Variants in GFOD1 observed in about 807,000 individuals in gnomAD.
GFOD1 encodes glucose-fructose oxidoreductase domain-containing protein 1.
In GFOD1, 9 loss-of-function variants were observed where a neutral mutation model predicts 25.4. The observed-to-expected ratio is 0.35, with a 90% CI of 0.21 to 0.62. GFOD1 has a LOEUF of 0.62. Ranked by LOEUF, GFOD1 falls within the 20% of genes least tolerant of loss-of-function variation. The pLI is 0.72. For missense variants in GFOD1, 403 were observed against 556.9 expected, an observed-to-expected ratio of 0.72 and a Z score of 2.78; for synonymous variants, 253 against 245.6, an observed-to-expected ratio of 1.03 and a Z score of -0.28.
chr6:13,461,047 C>G lies in GFOD1; in HGVS notation c.253+25591G>C, dbSNP rs1476067803. On this transcript the variant is annotated intron_variant, in intron 1 of 1. Coordinates refer to ENST00000379287, the MANE Select transcript of GFOD1 (RefSeq NM_018988.4). ...TGAAAAATACATTTCTGTTTGCTAT[C>G]AATTATCTGGCCTGTGCTCTTCTGT... Among the ~76,000 whole-genome samples the G allele has an allele frequency of 1.3e-5, 2 of 152,180 alleles. 1 individual carries two copies.
intron 1 of GFOD1, among the ~76,000 whole-genome samples, chr6:13,394,394 C>T (rs2127561965): frequency 6.7e-6 from 1 of 149,466 alleles, no homozygotes; most frequent in East Asian, 2.0e-4. Flanking sequence ...CGTCTCTGGG[C>T]AGGAGAACGG....
chr6:13,431,617 C>T (rs2127570274), intron 1 of GFOD1, among the ~76,000 whole-genome samples: 1 of 152,242 alleles, frequency 6.6e-6, no homozygotes, highest in South Asian at 2.1e-4. Context: ...AAAACTGCAC[C>T]CACTCTCTTC....
rs1479142659 is a variant in GFOD1, at chr6:13,381,319, C to T, written c.254-15657G>A. Among the ~76,000 whole-genome samples, 5 of 152,190 alleles carry T rather than the reference C, an allele frequency of 3.3e-5. No individual in the cohort carries two copies. The East Asian group carries it at 9.6e-4, about 29-fold the overall frequency. The stretch of plus-strand genomic sequence containing the variant: ...TGAAAAGCTGGAAGCCCACAGCCTG[C>T]TTGGTGATGTCAGGTGGCAGCAGCC... On this transcript the variant is annotated intron_variant, in intron 1 of 1. Transcript: ENST00000379287.
At chr6:13,466,214 T>C (rs773296602) in intron 1 of GFOD1, among the ~76,000 whole-genome samples, 5 of 152,226 alleles carry the variant, frequency 3.3e-5, no homozygotes, top group Non-Finnish European at 7.3e-5. Flanking sequence ...AAGATGATGG[T>C]ATAGTGCCTT....
rs1562209633 is a variant in GFOD1, at chr6:13,409,215, G to GA, written c.254-43554dup. On this transcript the variant is annotated intron_variant, in intron 1 of 1. Coordinates refer to ENST00000379287, the MANE Select transcript of GFOD1 (RefSeq NM_018988.4). ...AAAGAAAGAAAGAGAAAGAAGGAAA[G>GA]AGAGAGAGAGGAAGGAAGGAAGGAG... 7.6e-4 allele frequency among the ~76,000 whole-genome samples: 26 copies of GA among 34,212 alleles called. No individual in the cohort carries two copies. The South Asian group carries it at 0.025, about 33-fold the overall frequency. 22.4% of individuals were successfully genotyped at this position (34,212 alleles called of 152,430 possible). A position where few individuals can be genotyped will look rare whatever the true frequency, so the allele number is the denominator to read the frequency against.
At chr6:13,410,459 C>A (rs902960186) in intron 1 of GFOD1, among the ~76,000 whole-genome samples, 2 of 151,754 alleles carry the variant, frequency 1.3e-5, no homozygotes, top group Non-Finnish European at 2.9e-5. Flanking sequence ...CGCAGCTACT[C>A]GGGAGGTTGA....
chr6:13,379,728 TG>T (rs1390470713), intron 1 of GFOD1, among the ~76,000 whole-genome samples: 2 of 152,238 alleles, frequency 1.3e-5, no homozygotes, highest in African/African-American at 2.4e-5. Flanking sequence ...TTTCTGTTGT[TG>T]GCAATTTAAA....
chr6:13,430,524 G>A lies in GFOD1; in HGVS notation c.253+56114C>T, dbSNP rs979948384. Among the ~76,000 whole-genome samples the A allele has an allele frequency of 3.3e-5, 5 of 152,108 alleles. No homozygotes were observed. Among genetic ancestry groups the A allele is most frequent in the African/African-American group, 1.2e-4 (5 of 41,390 alleles). On this transcript the variant is annotated intron_variant, in intron 1 of 1. Transcript: ENST00000379287. This position sits in a 1 kb window ranked among gnomAD's most constrained non-coding sequence, Gnocchi z 4.1. ...AGGAACCCGAGCCACATAGGGTATG[G>A]CATCAAGCATAAACAGAGTGCAGGG...
intron 1 of GFOD1, chr6:13,470,347 C>T: frequency 6.4e-7 from 1 of 1,556,628 alleles, no homozygotes; most frequent in Non-Finnish European, 8.7e-7. Flanking sequence ...CTCAGTTCCA[C>T]AGACAAATGC....
chr6:13,461,224 G>C (rs1215198170), intron 1 of GFOD1, among the ~76,000 whole-genome samples: 2 of 152,168 alleles, frequency 1.3e-5, no homozygotes, highest in Admixed American at 1.3e-4. Flanking sequence ...GCCCTTGGTG[G>C]GGTATCTTGT....
intron 1 of GFOD1, among the ~76,000 whole-genome samples, chr6:13,396,092 A>G (rs1785723533): frequency 1.3e-5 from 2 of 152,212 alleles, no homozygotes; most frequent in Non-Finnish European, 2.9e-5. Context: ...TTTAGTAACC[A>G]TGTAATCACC....
chr6:13,445,753 C>T (rs1278502698), intron 1 of GFOD1, among the ~76,000 whole-genome samples: 1 of 152,252 alleles, frequency 6.6e-6, no homozygotes, highest in Non-Finnish European at 1.5e-5. Context: ...TTAGAAGACA[C>T]ACAAACCAAG....
At chr6:13,414,421 A>C (rs2127566812) in intron 1 of GFOD1, among the ~76,000 whole-genome samples, 1 of 152,362 alleles carries the variant, frequency 6.6e-6, no homozygotes, top group East Asian at 1.9e-4. Flanking sequence ...GCAGAGGCTT[A>C]AGAGGCTGAG....
rs75356144 is a variant in GFOD1, at chr6:13,400,006, G to A, written c.254-34344C>T. On this transcript the variant is annotated intron_variant, in intron 1 of 1. Coordinates refer to ENST00000379287, the MANE Select transcript of GFOD1 (RefSeq NM_018988.4). Reference sequence around the variant, plus strand: ...ATTTCTTTCTCCTAAGATCCTCCACGTGGTCACACAGTTACTGAGAAGCTG... The same window carrying A: ...ATTTCTTTCTCCTAAGATCCTCCACATGGTCACACAGTTACTGAGAAGCTG... Among the ~76,000 whole-genome samples, 789 of 152,266 alleles carry A rather than the reference G, an allele frequency of 5.2e-3. 47 individuals carry two copies. In the East Asian group the frequency reaches 0.13, roughly 26 times the overall value.
At chr6:13,394,846 TG>T (rs1374469395) in intron 1 of GFOD1, among the ~76,000 whole-genome samples, 16 of 152,042 alleles carry the variant, frequency 1.1e-4, no homozygotes, top group African/African-American at 3.9e-4. Flanking sequence ...TTGGCCAGGC[TG>T]GTCTTGAACT....
In GFOD1 at chr6:13,363,411, C is replaced by T. The variant is rs1784977635; in HGVS notation, c.*1332G>A. Reference sequence around the variant, plus strand: ...TTAGCCTTTTCAAGCCTAAGTATGGCCCCTTAAGGGGTTCTAAACCCCCAT... The same window carrying T: ...TTAGCCTTTTCAAGCCTAAGTATGGTCCCTTAAGGGGTTCTAAACCCCCAT... On this transcript the variant is annotated 3_prime_UTR_variant, in exon 2 of 2. Coordinates refer to ENST00000379287, the MANE Select transcript of GFOD1 (RefSeq NM_018988.4). The T allele has an allele frequency of 6.6e-6, 1 of 152,122 alleles. No individual in the cohort carries two copies. The highest frequency in any genetic ancestry group is 2.4e-5 in the African/African-American group (1 of 41,402). 9.4% of individuals were successfully genotyped at this position (152,122 alleles called of 1,614,324 possible).
chr6:13,392,783 C>A (rs1328656912), intron 1 of GFOD1, among the ~76,000 whole-genome samples: 1 of 151,976 alleles, frequency 6.6e-6, no homozygotes, highest in Non-Finnish European at 1.5e-5. Flanking sequence ...GGGCTAGGTG[C>A]AATGACTCAC....
At chr6:13,469,600 T>C in intron 1 of GFOD1, 1 of 1,077,832 alleles carries the variant, frequency 9.3e-7, no homozygotes, top group Non-Finnish European at 1.1e-6. Flanking sequence ...ATTCCACTTG[T>C]TCTTAGCCAT....
chr6:13,463,048 G>A (rs78038388), intron 1 of GFOD1, among the ~76,000 whole-genome samples: 1 of 152,180 alleles, frequency 6.6e-6, no homozygotes, highest in East Asian at 1.9e-4. Context: ...ATACAGGTGA[G>A]CAATTAAGCA....
Sources: gnomAD v4.1 joint callset for allele counts (sites outside exome capture counted in the v4.1 genomes callset) on GRCh38, gnomAD v4.1.1 for gene constraint, Gnocchi (gnomAD v3.1) non-coding constraint, MANE v1.5 for transcripts, NCBI Gene and HGNC (gene_info 2026-07-23, HGNC 2026-07-21) for gene names.